Variants in CCBE1 observed in about 807,000 individuals in gnomAD.
CCBE1 encodes the protein collagen and calcium-binding EGF domain-containing protein 1.
A neutral mutation model predicts 50.0 loss-of-function variants in CCBE1; 37 were observed. The ratio of observed to expected loss-of-function variants is 0.74; its 90% CI spans 0.57 to 0.97. CCBE1 has a LOEUF of 0.97. Ranked by LOEUF, CCBE1 falls within the 50% of genes least tolerant of loss-of-function variation. The pLI, the probability that CCBE1 is intolerant of heterozygous loss-of-function variation, is 0.00. For missense variants in CCBE1, 538 were observed against 523.8 expected (o/e 1.03, Z -0.26); for synonymous variants, 234 against 203.7 (o/e 1.15, Z -1.27).
chr18:59,463,619 ATGGT>A (rs1260539656), intron 5 of CCBE1, among the ~76,000 whole-genome samples: 1 of 152,070 alleles, frequency 6.6e-6, no homozygotes, highest in Non-Finnish European at 1.5e-5. Context: ...ATTGCTAGTG[ATGGT>A]TGGTCTCCCC....
At chr18:59,502,870 T>A (rs916707958) in intron 2 of CCBE1, among the ~76,000 whole-genome samples, 6 of 152,086 alleles carry the variant, frequency 3.9e-5, no homozygotes, top group Non-Finnish European at 7.3e-5. Flanking sequence ...CTGCAACCCT[T>A]CTAGTTTTGC....
chr18:59,562,797 G>A lies in CCBE1; in HGVS notation c.213-82559C>T, dbSNP rs114550279. Among the ~76,000 whole-genome samples, 895 of 152,246 alleles carry A rather than the reference G, an allele frequency of 5.9e-3. 7 individuals are homozygous for A. Among genetic ancestry groups the A allele is most frequent in the African/African-American group, 0.021 (867 of 41,546 alleles). ...CTAATTCAGTGGCCTTCATGCAGGG[G>A]GTGTGGAAAGCCTCCCTCACATGTT... On this transcript the variant is annotated intron_variant, in intron 2 of 10. Coordinates refer to ENST00000439986, the MANE Select transcript of CCBE1 (RefSeq NM_133459.4).
intron 2 of CCBE1, among the ~76,000 whole-genome samples, chr18:59,610,360 T>C (rs2053552062): frequency 6.6e-6 from 1 of 152,194 alleles, no homozygotes; most frequent in Non-Finnish European, 1.5e-5. Context: ...GAATGGATTT[T>C]AATATAAAGA....
rs139806256 is a variant in CCBE1 at position 59,685,859 on chromosome 18, C to T, written c.212+10770G>A. 1.9e-3 allele frequency: 282 copies of T among 152,296 alleles called. 1 individual carries two copies. The highest frequency in any genetic ancestry group is 6.2e-3 in the African/African-American group (257 of 41,546). 9.4% of individuals were successfully genotyped at this position (152,296 alleles called of 1,614,324 possible). On this transcript the variant is annotated intron_variant, in intron 2 of 10. Transcript: ENST00000439986. ...CAACACTTGATGTGCATAGGAAGCA[C>T]CTAGTGACCTTGTCAGAATGCAAAT... is the stretch of plus-strand genomic sequence containing the variant.
intron 2 of CCBE1, among the ~76,000 whole-genome samples, chr18:59,690,185 T>C (rs2331724): frequency 0.84 from 127,880 of 152,120 alleles, 54,341 homozygotes; most frequent in Admixed American, 0.92. Flanking sequence ...AGATTGTAAG[T>C]ACCCAACAAG....
At chr18:59,556,138 T>C (rs2052653716) in intron 2 of CCBE1, among the ~76,000 whole-genome samples, 1 of 152,184 alleles carries the variant, frequency 6.6e-6, no homozygotes, top group South Asian at 2.1e-4. Context: ...TCCAGCTTGG[T>C]TCCTGCCGTG....
chr18:59,483,313 G>A (rs1912663881), intron 2 of CCBE1, among the ~76,000 whole-genome samples: 2 of 152,186 alleles, frequency 1.3e-5, no homozygotes, highest in South Asian at 4.1e-4. Context: ...TACAGGTTGA[G>A]TAACCCTCAT....
chr18:59,592,458 A>G (rs914029069), intron 2 of CCBE1, among the ~76,000 whole-genome samples: 6 of 152,118 alleles, frequency 3.9e-5, no homozygotes, highest in African/African-American at 1.5e-4. Context: ...TGAATGAACT[A>G]TGGCATATCA....
intron 2 of CCBE1, among the ~76,000 whole-genome samples, chr18:59,505,335 C>T (rs987624800): frequency 9.9e-5 from 15 of 152,160 alleles, no homozygotes; most frequent in African/African-American, 3.6e-4. Flanking sequence ...CATCCTTGAG[C>T]CTGAGGCCAC....
rs71177045 is a variant in CCBE1 at position 59,601,010 on chromosome 18, G to GTTTTTT, written c.212+95613_212+95618dup. On this transcript the variant is annotated intron_variant, in intron 2 of 10. Coordinates refer to ENST00000439986, the MANE Select transcript of CCBE1 (RefSeq NM_133459.4). ...GATCTATTTTATTAGCTATGTGTCA[G>GTTTTTT]TTTTTTTTTTTTTTTTTTTTTTTTT... 1.2e-3 allele frequency among the ~76,000 whole-genome samples: 69 copies of GTTTTTT among 58,008 alleles called. 18 individuals carry two copies. The highest frequency in any genetic ancestry group is 1.6e-3 in the South Asian group (2 of 1,214). The allele number at this position is 58,008 out of a possible 152,430, so 38.1% of individuals were successfully genotyped here.
intron 2 of CCBE1, among the ~76,000 whole-genome samples, chr18:59,653,814 T>TA (rs1413485558): frequency 6.6e-6 from 1 of 152,264 alleles, no homozygotes; most frequent in East Asian, 1.9e-4. Flanking sequence ...CAACCCAATT[T>TA]GTTACTGATC....
Position 59,488,211 on chromosome 18 carries a change from G to C in CCBE1, c.213-7973C>G, listed in dbSNP as rs544507768. On this transcript the variant is annotated intron_variant, in intron 2 of 10. Transcript: ENST00000439986. ...AGACGGAGTTAGTAGGAAGTTACTG[G>C]GTAACGGATACAGAGTTTCAGTTTG... Among the ~76,000 whole-genome samples the C allele has an allele frequency of 9.8e-5, 15 of 152,292 alleles. No homozygotes were observed. In the South Asian group the frequency reaches 1.2e-3, roughly 13 times the overall value.
intron 5 of CCBE1, 141 bp from the exon 6 acceptor site, chr18:59,455,092 A>C (rs909223234): frequency 1.4e-6 from 1 of 721,530 alleles, no homozygotes; most frequent in Admixed American, 2.0e-5. Context: ...GTGATTTTAC[A>C]GCTCTCAGGT....
At chr18:59,493,687 T>C (rs1024025997) in intron 2 of CCBE1, among the ~76,000 whole-genome samples, 3 of 152,062 alleles carry the variant, frequency 2.0e-5, no homozygotes, top group African/African-American at 7.2e-5. Flanking sequence ...GAGACACAGA[T>C]TAGTAAGATT....
chr18:59,481,116 A>G (rs1912550686), intron 2 of CCBE1, among the ~76,000 whole-genome samples: 1 of 152,270 alleles, frequency 6.6e-6, no homozygotes, highest in Admixed American at 6.5e-5. Context: ...TGAACAAAAC[A>G]GAAAATCTCA....
intron 2 of CCBE1, among the ~76,000 whole-genome samples, chr18:59,530,774 A>C (rs1915017572): frequency 1.3e-5 from 2 of 152,248 alleles, no homozygotes; most frequent in Non-Finnish European, 2.9e-5. Flanking sequence ...AAACACATAC[A>C]AATGAATTTC....
chr18:59,523,650 T>G (rs551256921), intron 2 of CCBE1, among the ~76,000 whole-genome samples: 2 of 152,296 alleles, frequency 1.3e-5, no homozygotes, highest in East Asian at 3.9e-4. Flanking sequence ...TTATTTCATG[T>G]AAATTTATTT....
intron 2 of CCBE1, among the ~76,000 whole-genome samples, chr18:59,549,709 G>A (rs2144410278): frequency 6.6e-6 from 1 of 152,314 alleles, no homozygotes; most frequent in East Asian, 1.9e-4. Flanking sequence ...ATAGTACCCA[G>A]TTGGGCAATT....
intron 2 of CCBE1, among the ~76,000 whole-genome samples, chr18:59,486,881 T>A (rs1912846711): frequency 6.6e-6 from 1 of 151,840 alleles, no homozygotes; most frequent in Non-Finnish European, 1.5e-5. Context: ...ACCTACCTAT[T>A]TATTTATTTA....
Sources: allele counts gnomAD v4.1 joint callset (sites outside exome capture counted in the v4.1 genomes callset), GRCh38; gene constraint gnomAD v4.1.1; transcripts MANE v1.5; gene names NCBI Gene and HGNC (gene_info 2026-07-23, HGNC 2026-07-21).